Variants in PNPLA7 observed in about 807,000 individuals in gnomAD.
The protein encoded by PNPLA7 is patatin-like phospholipase domain-containing protein 7.
Under a neutral mutation model 161.7 loss-of-function variants are expected in PNPLA7, and 153 were observed. The ratio of observed to expected loss-of-function variants is 0.95; its 90% CI spans 0.83 to 1.08. The LOEUF (loss-of-function observed/expected upper bound fraction) is 1.08, where lower values mean the gene tolerates loss of function less well. Ranked by LOEUF, PNPLA7 falls within the 50% of genes least tolerant of loss-of-function variation. PNPLA7 has a pLI of 0.00. For synonymous variants in PNPLA7, 809 were observed against 782.1 expected (o/e 1.03, Z -0.57); for missense variants, 1,739 against 1,856.6 (o/e 0.94, Z 1.16).
intron 20 of PNPLA7, among the ~76,000 whole-genome samples, chr9:137,487,310 C>T (rs1832536147): frequency 1.3e-5 from 2 of 152,262 alleles, no homozygotes; most frequent in South Asian, 2.1e-4. Context: ...CAGAGGCATC[C>T]ACACCGGGCC....
intron 8 of PNPLA7, among the ~76,000 whole-genome samples, chr9:137,525,043 C>T (rs1835230349): frequency 1.3e-5 from 2 of 152,220 alleles, no homozygotes; most frequent in South Asian, 4.1e-4. Context: ...CAGGTGACTC[C>T]TGGCGGCAAG....
intron 9 of PNPLA7, among the ~76,000 whole-genome samples, chr9:137,522,296 G>C (rs56105003): frequency 0.04 from 6,023 of 149,760 alleles, 165 homozygotes; most frequent in Non-Finnish European, 0.053. Flanking sequence ...GGATGGTCTC[G>C]ATCTCCTGAC....
chr9:137,550,110 G>C (rs1017899803), intron 1 of PNPLA7, 58 bp downstream of exon 1: 1 of 1,605,114 alleles, frequency 6.2e-7, no homozygotes, highest in East Asian at 2.2e-5. Flanking sequence ...CCCTTCTCTG[G>C]GTCCAGAAAT....
At chr9:137,522,933 C>A in intron 8 of PNPLA7, 76 bp from the exon 9 acceptor site, 1 of 1,582,074 alleles carries the variant, frequency 6.3e-7, no homozygotes. Flanking sequence ...CTCCTGGAAG[C>A]CCTGGAGGAG....
At position 137,543,531 on chromosome 9, in the gene PNPLA7, T is replaced by C. The variant is rs762493334; in HGVS notation, c.407A>G (p.Lys136Arg). The C allele has an allele frequency of 1.2e-6, 2 of 1,613,928 alleles. No homozygotes were observed. Among genetic ancestry groups the C allele is most frequent in the Admixed American group, 1.7e-5 (1 of 59,998 alleles). The change falls in exon 6 of 35, where the codon AAG becomes AGG. Residue 136 changes from lysine to arginine, a missense_variant. Physicochemically the swap from Lys to Arg is conservative, Grantham distance 26. Coordinates refer to ENST00000406427, the MANE Select transcript of PNPLA7 (RefSeq NM_001098537.3). This position sits in a 1 kb window ranked among gnomAD's most constrained non-coding sequence, Gnocchi z 6.9. ...CTCCAGCAGGGAGGGCGGGGGCTCC[T>C]TGGGCTGCAGGGCCGGGTATTCCTT... is the stretch of plus-strand genomic sequence containing the variant. ...FKKEYPALQP[K>R]EPPPSLLEAD...
intron 19 of PNPLA7, 43 bp from the exon 20 acceptor site, chr9:137,493,125 G>A (rs2132230821): frequency 5.0e-6 from 8 of 1,593,602 alleles, no homozygotes; most frequent in Non-Finnish European, 6.9e-6. Context: ...GTTTTAAACT[G>A]AGAAACACTG....
rs779051551 is a variant in PNPLA7, at chr9:137,463,365, T to G, written c.3343+50A>C. The G allele has an allele frequency of 3.6e-5, 54 of 1,496,920 alleles. 1 individual carries two copies. Among genetic ancestry groups the G allele is most frequent in the Middle Eastern group, 1.9e-4 (1 of 5,366 alleles). The allele number at this position is 1,496,920 out of a possible 1,614,324, so 92.7% of individuals were successfully genotyped here. On this transcript the variant is annotated intron_variant, in intron 29 of 34. Coordinates refer to ENST00000406427, the MANE Select transcript of PNPLA7 (RefSeq NM_001098537.3). ...CTGTGGCAGGGGCCGTGGGGCGGCG[T>G]GACCCAGGAGCCTGTGCTCCTGCCG...
rs1564275632 is a variant in PNPLA7 at position 137,461,544 on chromosome 9, ATGGCGGGCT to A, written c.3824_3832del (p.Lys1275_Ala1277del). On this transcript the variant is annotated inframe_deletion, in exon 33 of 35. Transcript: ENST00000406427. ...CTTGCGCCTCCACTCACCATCCACCATGGCGGGCTTGGCGGGCTCAATGCGAGACACAAT... is the reference window on the plus strand; with the variant it reads ...CTTGCGCCTCCACTCACCATCCACCATGGCGGGCTCAATGCGAGACACAAT... 1.2e-6 allele frequency: 2 copies of A among 1,612,542 alleles called. No homozygotes were observed. Among genetic ancestry groups the A allele is most frequent in the Non-Finnish European group, 1.7e-6 (2 of 1,179,452 alleles).
At chr9:137,528,794 G>A (rs958670777) in intron 8 of PNPLA7, among the ~76,000 whole-genome samples, 10 of 151,402 alleles carry the variant, frequency 6.6e-5, no homozygotes, top group African/African-American at 2.2e-4. Context: ...TCTGCCTCCC[G>A]GGTTCACGCC....
intron 8 of PNPLA7, among the ~76,000 whole-genome samples, chr9:137,528,854 C>T (rs867333951): frequency 1.3e-5 from 2 of 152,188 alleles, no homozygotes; most frequent in Middle Eastern, 3.4e-3. Flanking sequence ...GAGCCCGCCA[C>T]CACGCCTGGC....
At chr9:137,517,608 C>G (rs1273316372) in intron 11 of PNPLA7, among the ~76,000 whole-genome samples, 19 of 88,042 alleles carry the variant, frequency 2.2e-4, no homozygotes, top group Non-Finnish European at 4.0e-4. Flanking sequence ...TCCACTCCAT[C>G]CCCCGTCACT....
At chr9:137,471,037 G>A (rs1831678780) in intron 25 of PNPLA7, among the ~76,000 whole-genome samples, 1 of 152,232 alleles carries the variant, frequency 6.6e-6, no homozygotes, top group Non-Finnish European at 1.5e-5. Flanking sequence ...CGCCCACCAC[G>A]TCTATCCACA....
At chr9:137,462,514 G>A (rs1261049693) in intron 30 of PNPLA7, 171 bp downstream of exon 30, 3 of 1,381,996 alleles carry the variant, frequency 2.2e-6, no homozygotes, top group African/African-American at 2.9e-5. Context: ...GGCCCGTCCG[G>A]CCTCGTGCCT....
intron 12 of PNPLA7, among the ~76,000 whole-genome samples, chr9:137,508,352 G>A (rs542831151): frequency 2.8e-4 from 42 of 152,290 alleles, no homozygotes; most frequent in African/African-American, 9.9e-4. Context: ...CGGATCACGA[G>A]GTCAGGAGAT....
Position 137,481,035 on chromosome 9 carries a change from A to G in PNPLA7, c.2348-12T>C. 1 of 1,551,490 alleles carries G rather than the reference A, an allele frequency of 6.4e-7. No homozygotes were observed. The highest frequency in any genetic ancestry group is 8.7e-7 in the Non-Finnish European group (1 of 1,146,900). ...CAGCAGGGTCGGGCCTGAAAACACC[A>G]CCACCAGTAACGGAGCCTGCCTGGG... On this transcript the variant is annotated splice_polypyrimidine_tract_variant and intron_variant, in intron 21 of 34. Coordinates refer to ENST00000406427, the MANE Select transcript of PNPLA7 (RefSeq NM_001098537.3).
At chr9:137,478,426 G>GGGTGGGGGGCCAGAGAGTGGGCCCT (rs1832045746) in intron 24 of PNPLA7, 1 of 333,040 alleles carries the variant, frequency 3.0e-6, no homozygotes, top group African/African-American at 2.1e-5. Context: ...GAGTGGGCCC[G>GGGTGGGGGGCCAGAGAGTGGGCCCT]GGTGGGGGGC....
intron 23 of PNPLA7, 183 bp from the exon 24 acceptor site, chr9:137,479,421 C>T: frequency 7.7e-7 from 1 of 1,302,278 alleles, no homozygotes. Flanking sequence ...GGCAGGGGTC[C>T]ATCCGTCCAC....
Position 137,541,278 on chromosome 9 carries a change from G to A in PNPLA7, c.667-556C>T, listed in dbSNP as rs1049082750. 3.7e-5 allele frequency: 9 copies of A among 240,932 alleles called. No individual in the cohort carries two copies. Among genetic ancestry groups the A allele is most frequent in the African/African-American group, 2.1e-4 (9 of 42,962 alleles). 14.9% of individuals were successfully genotyped at this position (240,932 alleles called of 1,614,324 possible). Reference sequence around the variant, plus strand: ...ACACGGGTTCTGGTCCTTCAGGAGGGCCCCGCACGAGCGGCAACGAAAGCC... The same window carrying A: ...ACACGGGTTCTGGTCCTTCAGGAGGACCCCGCACGAGCGGCAACGAAAGCC... On this transcript the variant is annotated intron_variant, in intron 7 of 34. Coordinates refer to ENST00000406427, the MANE Select transcript of PNPLA7 (RefSeq NM_001098537.3). This position sits in a 1 kb window ranked among gnomAD's most constrained non-coding sequence, Gnocchi z 4.4.
chr9:137,522,861 T>C lies in PNPLA7; in HGVS notation c.748-4A>G. 1 of 1,613,046 alleles carries C rather than the reference T, an allele frequency of 6.2e-7. No individual in the cohort carries two copies. Among genetic ancestry groups the C allele is most frequent in the Non-Finnish European group, 8.5e-7 (1 of 1,179,702 alleles). On this transcript the variant is annotated splice_region_variant and splice_polypyrimidine_tract_variant and intron_variant, in intron 8 of 34. Coordinates refer to ENST00000406427, the MANE Select transcript of PNPLA7 (RefSeq NM_001098537.3). ...TTTTGTAAGGTGCAGCATGGCCCTGTAACAACAGCTCCATCAGTCCCCACT... is the reference window on the plus strand; with the variant it reads ...TTTTGTAAGGTGCAGCATGGCCCTGCAACAACAGCTCCATCAGTCCCCACT...
Sources: allele counts gnomAD v4.1 joint callset (sites outside exome capture counted in the v4.1 genomes callset), GRCh38; gene constraint gnomAD v4.1.1; non-coding constraint Gnocchi (gnomAD v3.1); transcripts MANE v1.5; gene names NCBI Gene and HGNC (gene_info 2026-07-23, HGNC 2026-07-21).